Variants in GALNTL6 observed in about 807,000 individuals in gnomAD.
GALNTL6 encodes the protein polypeptide N-acetylgalactosaminyltransferase-like 6.
GALNTL6 carries 46 observed loss-of-function variants against 73.7 expected under a neutral mutation model. The observed-to-expected ratio is 0.62, with a 90% confidence interval of 0.49 to 0.80. The LOEUF is 0.80. Among genes scored for constraint, GALNTL6 ranks in the 30% least tolerant of loss-of-function variants. The probability of loss-of-function intolerance (pLI) is 0.00; values close to 1 mark genes in which losing one functional copy is unlikely to be tolerated. For synonymous variants in GALNTL6, 259 were observed against 263.7 expected, an observed-to-expected ratio of 0.98 and a Z score of 0.17; for missense variants, 604 against 755.0, an observed-to-expected ratio of 0.80 and a Z score of 2.34.
intron 5 of GALNTL6, among the ~76,000 whole-genome samples, chr4:172,533,880 G>T (rs114097264): frequency 0.011 from 1,626 of 152,248 alleles, 22 homozygotes; most frequent in Non-Finnish European, 0.016. Flanking sequence ...AATTACCTGA[G>T]ATTCATTCTA....
chr4:172,603,842 A>G (rs1738159176), intron 5 of GALNTL6, among the ~76,000 whole-genome samples: 1 of 152,190 alleles, frequency 6.6e-6, no homozygotes, highest in Non-Finnish European at 1.5e-5. Flanking sequence ...GGTGACTTAG[A>G]TTGCCTATGA....
At chr4:172,203,666 C>T (rs1736022481) in intron 2 of GALNTL6, among the ~76,000 whole-genome samples, 1 of 152,108 alleles carries the variant, frequency 6.6e-6, no homozygotes, top group South Asian at 2.1e-4. Flanking sequence ...ACCTCCAGAC[C>T]CATCTACTCT....
intron 5 of GALNTL6, among the ~76,000 whole-genome samples, chr4:172,754,028 AAAG>A (rs1737591287): frequency 6.6e-6 from 1 of 152,202 alleles, no homozygotes; most frequent in African/African-American, 2.4e-5. Flanking sequence ...ATTTTACACA[AAAG>A]AAGGAGGAAA....
At chr4:171,905,186 AG>A (rs1737236597) in intron 2 of GALNTL6, among the ~76,000 whole-genome samples, 1 of 152,024 alleles carries the variant, frequency 6.6e-6, no homozygotes, top group South Asian at 2.1e-4. Flanking sequence ...TCCAATTAAA[AG>A]ACACAGACTG....
intron 10 of GALNTL6, among the ~76,000 whole-genome samples, chr4:172,993,653 T>C (rs966444319): frequency 6.6e-6 from 1 of 152,252 alleles, no homozygotes; most frequent in Non-Finnish European, 1.5e-5. Flanking sequence ...ACTAGACTAC[T>C]GTTCGCTTCC....
At chr4:172,137,859 T>C (rs1411411390) in intron 2 of GALNTL6, among the ~76,000 whole-genome samples, 3 of 152,184 alleles carry the variant, frequency 2.0e-5, no homozygotes, top group Non-Finnish European at 4.4e-5. Context: ...TGCCATAGAA[T>C]AGGAAATCCA....
intron 2 of GALNTL6, among the ~76,000 whole-genome samples, chr4:172,128,514 C>T (rs530653922): frequency 1.3e-5 from 2 of 152,194 alleles, no homozygotes; most frequent in South Asian, 4.1e-4. Flanking sequence ...TCTGATAATA[C>T]AGGAACTGTT....
chr4:172,401,788 CAAT>C (rs951574797), intron 5 of GALNTL6, among the ~76,000 whole-genome samples: 1 of 151,930 alleles, frequency 6.6e-6, no homozygotes, highest in Non-Finnish European at 1.5e-5. Context: ...ACCGAAATTA[CAAT>C]AATAACAGAC....
rs1750685219 is a variant in GALNTL6 at position 172,973,794 on chromosome 4, T to C, written c.1371+21536T>C. Among the ~76,000 whole-genome samples the C allele has an allele frequency of 1.3e-5, 2 of 152,214 alleles. 1 individual carries two copies. Among genetic ancestry groups the C allele is most frequent in the South Asian group, 4.1e-4 (2 of 4,836 alleles). ...GCCTACCACTTTCACGCTTTCTCTC[T>C]CCCTCTGACTCCGTCTTTTTCACTT... On this transcript the variant is annotated intron_variant, in intron 10 of 12. Coordinates refer to ENST00000506823, the MANE Select transcript of GALNTL6 (RefSeq NM_001034845.3).
chr4:172,707,120 G>A lies in GALNTL6; in HGVS notation c.554-102241G>A, dbSNP rs139511418. ...TGTTGCCTGGCAGTTTGGGGGAGGG[G>A]TGTCACAGTTAGAGTTTTATTCCTC... On this transcript the variant is annotated intron_variant, in intron 5 of 12. Transcript: ENST00000506823. Among the ~76,000 whole-genome samples the A allele has an allele frequency of 1.7e-3, 259 of 152,220 alleles. 1 individual carries two copies. Among genetic ancestry groups the A allele is most frequent in the African/African-American group, 6.1e-3 (253 of 41,548 alleles).
chr4:172,939,114 G>T (rs1210484930), intron 9 of GALNTL6, among the ~76,000 whole-genome samples: 1 of 152,100 alleles, frequency 6.6e-6, no homozygotes, highest in Non-Finnish European at 1.5e-5. Context: ...ACATAGCAAG[G>T]CCCCAGCTTT....
intron 2 of GALNTL6, among the ~76,000 whole-genome samples, chr4:172,177,134 A>G (rs947499762): frequency 6.6e-6 from 1 of 152,176 alleles, no homozygotes; most frequent in Non-Finnish European, 1.5e-5. Flanking sequence ...AGCATATAGG[A>G]GGAGAATTAG....
intron 5 of GALNTL6, among the ~76,000 whole-genome samples, chr4:172,742,750 G>A (rs1439230858): frequency 1.3e-5 from 2 of 152,018 alleles, no homozygotes; most frequent in Non-Finnish European, 2.9e-5. Context: ...AAAATCTGCT[G>A]ACAGGATTTC....
chr4:172,253,173 A>G (rs933785493), intron 3 of GALNTL6, among the ~76,000 whole-genome samples: 2 of 152,030 alleles, frequency 1.3e-5, no homozygotes, highest in Admixed American at 6.6e-5. Context: ...TAAATTTTAA[A>G]TTAAAAATGG....
chr4:172,685,189 G>A (rs373203069), intron 5 of GALNTL6, among the ~76,000 whole-genome samples: 14 of 152,102 alleles, frequency 9.2e-5, no homozygotes, highest in Admixed American at 5.9e-4. Flanking sequence ...AAAATTCACC[G>A]AGATTCATGT....
chr4:172,823,687 A>G (rs1742066092), intron 7 of GALNTL6, among the ~76,000 whole-genome samples: 1 of 152,232 alleles, frequency 6.6e-6, no homozygotes, highest in Non-Finnish European at 1.5e-5. Flanking sequence ...AGTAAAGAAG[A>G]AAAGGAAGAA....
intron 2 of GALNTL6, among the ~76,000 whole-genome samples, chr4:172,081,103 T>C (rs1251845870): frequency 2.0e-5 from 3 of 152,042 alleles, no homozygotes; most frequent in Non-Finnish European, 4.4e-5. Context: ...AGTGCATGAA[T>C]ATATAGAGGC....
At chr4:172,336,614 G>T (rs2111192045) in intron 4 of GALNTL6, among the ~76,000 whole-genome samples, 1 of 151,928 alleles carries the variant, frequency 6.6e-6, no homozygotes. Flanking sequence ...AGGTATGGTT[G>T]GTATGGCTTT....
At chr4:172,983,003 G>A (rs1751137405) in intron 10 of GALNTL6, among the ~76,000 whole-genome samples, 1 of 152,148 alleles carries the variant, frequency 6.6e-6, no homozygotes, top group Admixed American at 6.5e-5. Flanking sequence ...TGGGAGGGAG[G>A]TGGATGATGA....
Sources: allele counts gnomAD v4.1 joint callset (sites outside exome capture counted in the v4.1 genomes callset), GRCh38; gene constraint gnomAD v4.1.1; transcripts MANE v1.5; gene names NCBI Gene and HGNC (gene_info 2026-07-23, HGNC 2026-07-21).